ZFYVE19: variants seen among roughly 807,000 people sequenced by gnomAD.
ZFYVE19 encodes the protein abscission/NoCut checkpoint regulator.
In ZFYVE19, 49 loss-of-function variants were observed where a neutral mutation model predicts 62.8. The observed-to-expected ratio is 0.78, with a 90% CI of 0.62 to 0.99. The LOEUF (loss-of-function observed/expected upper bound fraction) is 0.99. Among genes scored for constraint, ZFYVE19 ranks in the 50% least tolerant of loss-of-function variants. The pLI, the probability that ZFYVE19 is intolerant of heterozygous loss-of-function variation, is 0.00. For missense variants in ZFYVE19, 630 were observed against 601.9 expected (o/e 1.05, Z -0.49); for synonymous variants, 242 against 234.3 (o/e 1.03, Z -0.30).
chr15:40,810,667 A>G lies in ZFYVE19; in HGVS notation c.736A>G (p.Thr246Ala), dbSNP rs753137090. Reference sequence around the variant, plus strand: ...TGTGCAGGCACATCACACACCGGACACCAGGACCCAAGCCCAGCAGACACA... The same window carrying G: ...TGTGCAGGCACATCACACACCGGACGCCAGGACCCAAGCCCAGCAGACACA... ...TPQPAHHTPD[T>A]RTQAQQTQDL... is the part of the protein sequence containing the mutation. The change falls in exon 6 of 11, where the codon ACC becomes GCC. Residue 246 changes from threonine to alanine, a missense_variant. Transcript: ENST00000355341. 3.2e-6 allele frequency: 5 copies of G among 1,572,200 alleles called. No individual in the cohort carries two copies. The South Asian group carries it at 5.9e-5, about 18-fold the overall frequency.
chr15:40,807,913 A>T, intron 1 of ZFYVE19, 45 bp downstream of exon 1: 1 of 1,552,956 alleles, frequency 6.4e-7, no homozygotes, highest in Non-Finnish European at 8.6e-7. Flanking sequence ...GGAGGAGAGG[A>T]GGGAAAAGCG....
rs1012502296 is a variant in ZFYVE19, at chr15:40,807,230, G to A, written c.-360G>A. On this transcript the variant is annotated 5_prime_UTR_variant, in exon 1 of 11. Coordinates refer to ENST00000355341, the MANE Select transcript of ZFYVE19 (RefSeq NM_001077268.2). ...AGGAAATGTCTGGGAGCCCGCCTGC[G>A]GAGGGCATAGCGCCGACCCTCGCTC... 7 of 1,552,234 alleles carry A rather than the reference G, an allele frequency of 4.5e-6. No individual in the cohort carries two copies. The African/African-American group carries it at 9.5e-5, about 21-fold the overall frequency.
chr15:40,813,294 A>T, intron 7 of ZFYVE19, 44 bp from the exon 8 acceptor site: 3 of 1,583,460 alleles, frequency 1.9e-6, no homozygotes, highest in Non-Finnish European at 2.6e-6. Flanking sequence ...GAAATCTCTC[A>T]CTCTCACTCC....
Position 40,807,446 on chromosome 15 carries a change from T to C in ZFYVE19, c.-144T>C. The stretch of plus-strand genomic sequence containing the variant: ...TGTAAGAGCTCCTTGGTCACTGCCA[T>C]GGTTCCGGCCTGACGGATTCGTACT... On this transcript the variant is annotated 5_prime_UTR_variant, in exon 1 of 11. The change abolishes an upstream ATG in the 5' untranslated region. Coordinates refer to ENST00000355341, the MANE Select transcript of ZFYVE19 (RefSeq NM_001077268.2). 5 of 1,614,236 alleles carry C rather than the reference T, an allele frequency of 3.1e-6. No homozygotes were observed. The highest frequency in any genetic ancestry group is 1.6e-4 in the Middle Eastern group (1 of 6,062).
intron 3 of ZFYVE19, 45 bp from the exon 4 acceptor site, chr15:40,809,807 T>C (rs775578884): frequency 2.5e-6 from 4 of 1,596,250 alleles, no homozygotes; most frequent in Non-Finnish European, 3.4e-6. Flanking sequence ...GCCTTCACTC[T>C]TCCCCTCTGC....
Position 40,809,368 on chromosome 15 carries a change from G to A in ZFYVE19, c.402-40G>A, listed in dbSNP as rs777342832. On this transcript the variant is annotated intron_variant, in intron 2 of 10. Coordinates refer to ENST00000355341, the MANE Select transcript of ZFYVE19 (RefSeq NM_001077268.2). ...TTTGGAGTGGGGGGCACTGCCTGGTGGGATGGCAGGATTTATAACACTAGA... is the reference window on the plus strand; with the variant it reads ...TTTGGAGTGGGGGGCACTGCCTGGTAGGATGGCAGGATTTATAACACTAGA... 3.7e-6 allele frequency: 6 copies of A among 1,614,008 alleles called. No homozygotes were observed. In the South Asian group the frequency reaches 6.6e-5, roughly 18 times the overall value.
chr15:40,810,868 G>A (rs981909069), intron 6 of ZFYVE19, 111 bp downstream of exon 6: 57 of 1,355,892 alleles, frequency 4.2e-5, no homozygotes, highest in South Asian at 3.5e-4. Flanking sequence ...AGTGATCAAC[G>A]TTATAAGAGT....
intron 8 of ZFYVE19, 99 bp from the exon 9 acceptor site, chr15:40,813,614 A>T: frequency 8.0e-7 from 1 of 1,257,298 alleles, no homozygotes; most frequent in Non-Finnish European, 1.1e-6. Flanking sequence ...AAAGAAAAAG[A>T]TGAGTTTGAG....
In ZFYVE19 at chr15:40,807,751, A is replaced by T; in HGVS notation, c.162A>T (p.Pro54=). 3.1e-6 allele frequency: 5 copies of T among 1,591,340 alleles called. No individual in the cohort carries two copies. Among genetic ancestry groups the T allele is most frequent in the Non-Finnish European group, 4.3e-6 (5 of 1,172,088 alleles). Residue 54 remains proline (P), a synonymous_variant, in exon 1 of 11, where the codon CCA becomes CCT. Coordinates refer to ENST00000355341, the MANE Select transcript of ZFYVE19 (RefSeq NM_001077268.2). ...AAGGGCGGAGCTGGGGTGAGGGTCC[A>T]AGGGGCCCAGGACTTGGCCGGCGTG... ...GREGRSWGEG[P]RGPGLGRRDL...
chr15:40,807,368 C>G lies in ZFYVE19; in HGVS notation c.-222C>G. The G allele has an allele frequency of 6.2e-7, 1 of 1,614,282 alleles. No homozygotes were observed. Reference sequence around the variant, plus strand: ...TCAGCCTTCCTCGCCACCGTTCTCACCTCTTTGTCCGCTGCCTTCTCCTCA... The same window carrying G: ...TCAGCCTTCCTCGCCACCGTTCTCAGCTCTTTGTCCGCTGCCTTCTCCTCA... On this transcript the variant is annotated 5_prime_UTR_variant, in exon 1 of 11. Coordinates refer to ENST00000355341, the MANE Select transcript of ZFYVE19 (RefSeq NM_001077268.2).
chr15:40,809,587 T>C, intron 3 of ZFYVE19, 129 bp downstream of exon 3: 1 of 1,220,812 alleles, frequency 8.2e-7, no homozygotes, highest in Non-Finnish European at 1.2e-6. Context: ...CTCTGGCTCC[T>C]GACTGCCCTC....
Position 40,813,847 on chromosome 15 carries a change from C to G in ZFYVE19, c.1209+36C>G, listed in dbSNP as rs1342180049. On this transcript the variant is annotated intron_variant, in intron 9 of 10. Coordinates refer to ENST00000355341, the MANE Select transcript of ZFYVE19 (RefSeq NM_001077268.2). ...CCCCAGATGCAGACCCCCAGGCTCC[C>G]CCCAGCCTTGCTTCCTGCCTGGCTG... 14 of 1,602,762 alleles carry G rather than the reference C, an allele frequency of 8.7e-6. No individual in the cohort carries two copies. The Admixed American group carries it at 2.4e-4, about 28-fold the overall frequency.
Position 40,807,096 on chromosome 15 carries a change from G to A in ZFYVE19, c.-494G>A, listed in dbSNP as rs1272851270. On this transcript the variant is annotated 5_prime_UTR_variant, in exon 1 of 11. Transcript: ENST00000355341. ...GGCGCAGAGGAGGCTAGCGTTCCTT[G>A]CTGCCTCGCCCCGCGGCCTCTAGGA... 2.8e-6 allele frequency: 2 copies of A among 720,596 alleles called. No homozygotes were observed. The highest frequency in any genetic ancestry group is 6.0e-5 in the Admixed American group (2 of 33,464). The allele number at this position is 720,596 out of a possible 1,614,324, so 44.6% of individuals were successfully genotyped here.
At chr15:40,813,004 A>G in intron 7 of ZFYVE19, 102 bp downstream of exon 7, 3 of 1,320,240 alleles carry the variant, frequency 2.3e-6, no homozygotes, top group Non-Finnish European at 3.1e-6. Flanking sequence ...AGATCTACTG[A>G]GCCCAGCCCA....
At position 40,809,223 on chromosome 15, in the gene ZFYVE19, C is replaced by T; in HGVS notation, c.384C>T (p.Cys128=). The change falls in exon 2 of 11, where the codon TGC becomes TGT. Residue 128 remains cysteine, a synonymous_variant. Coordinates refer to ENST00000355341, the MANE Select transcript of ZFYVE19 (RefSeq NM_001077268.2). ...GNTQQKVCKQ[C]HEVLTRGSSA... ...CCCAACAGAAAGTCTGCAAGCAATG[C>T]CATGAGGTCCTGACCAGGTAAGAGG... The T allele has an allele frequency of 6.2e-7, 1 of 1,614,230 alleles. No individual in the cohort carries two copies. Among genetic ancestry groups the T allele is most frequent in the Non-Finnish European group, 8.5e-7 (1 of 1,180,036 alleles).
At chr15:40,808,952 A>C in intron 1 of ZFYVE19, 167 bp from the exon 2 acceptor site, 1 of 793,356 alleles carries the variant, frequency 1.3e-6, no homozygotes, top group South Asian at 1.7e-5. Context: ...GAAACCGAGG[A>C]ATTGCTTTAC....
intron 1 of ZFYVE19, chr15:40,808,214 C>T (rs1890339852): frequency 1.0e-5 from 16 of 1,593,532 alleles, no homozygotes; most frequent in Admixed American, 1.7e-5. Flanking sequence ...TCACACCAAG[C>T]CCGTTACTCC....
intron 3 of ZFYVE19, 41 bp downstream of exon 3, chr15:40,809,499 G>GACAAA (rs750177056): frequency 6.2e-7 from 1 of 1,608,460 alleles, no homozygotes; most frequent in African/African-American, 1.3e-5. Context: ...ATTGGGGAAA[G>GACAAA]GATAAGGGAG....
chr15:40,807,626 C>G lies in ZFYVE19; in HGVS notation c.37C>G (p.Leu13Val), dbSNP rs977453315. 5.6e-6 allele frequency: 9 copies of G among 1,613,076 alleles called. No homozygotes were observed. Among genetic ancestry groups the G allele is most frequent in the South Asian group, 2.2e-5 (2 of 90,996 alleles). The change falls in exon 1 of 11, where the codon CTG becomes GTG. Residue 13 changes from leucine (L) to valine (V), a missense_variant. Leu to Val is a conservative substitution (Grantham distance 32). Coordinates refer to ENST00000355341, the MANE Select transcript of ZFYVE19 (RefSeq NM_001077268.2). ...CTCCCAGCAGCCCCCGTTGCCGCCG[C>G]TGCCGTACGCTGGCTGCAGGAGAGC... is the stretch of plus-strand genomic sequence containing the variant. ...YDSQQPPLPP[L>V]PYAGCRRASG...
Sources: gnomAD v4.1 joint callset for allele counts on GRCh38, gnomAD v4.1.1 for gene constraint, MANE v1.5 for transcripts, NCBI Gene and HGNC (gene_info 2026-07-23, HGNC 2026-07-21) for gene names.